Variants in FAAH2 observed in about 807,000 individuals in gnomAD.
The protein encoded by FAAH2 is fatty acid amide hydrolase 2.
A neutral mutation model predicts 36.9 loss-of-function variants in FAAH2; 60 were observed. The ratio of observed to expected loss-of-function variants is 1.63; its 90% CI spans 1.32 to 2.02. The LOEUF (loss-of-function observed/expected upper bound fraction) is 2.02, where lower values mean the gene tolerates loss of function less well. Among genes scored for constraint, FAAH2 ranks in the 30% most tolerant of loss-of-function variants. FAAH2 has a pLI of 0.00. For synonymous variants in FAAH2, 214 were observed against 143.8 expected, an observed-to-expected ratio of 1.49 and a Z score of -3.49; for missense variants, 689 against 397.5, an observed-to-expected ratio of 1.73 and a Z score of -6.23.
chrX:57,167,355 G>A, the FAAH2 span, among the ~76,000 whole-genome samples: 1 of 111,040 alleles, frequency 9.0e-6, no homozygotes. Flanking sequence ...TGTCCCTCCA[G>A]GCCAGCACCT....
intron 10 of FAAH2, among the ~76,000 whole-genome samples, chrX:57,473,427 A>ACTTG (rs1186579478): frequency 9.0e-6 from 1 of 111,527 alleles, no homozygotes; most frequent in Non-Finnish European, 1.9e-5. Context: ...ATGCGTTGAG[A>ACTTG]CTTGCTTTCT....
chrX:57,185,591 G>C, the FAAH2 span, among the ~76,000 whole-genome samples: 1 of 108,993 alleles, frequency 9.2e-6, no homozygotes, highest in Non-Finnish European at 1.9e-5. Context: ...TGATGAACAT[G>C]CAGGTTTGTT....
At chrX:57,336,060 A>G (rs2053544044) in intron 4 of FAAH2, among the ~76,000 whole-genome samples, 1 of 111,589 alleles carries the variant, frequency 9.0e-6, no homozygotes, top group African/African-American at 3.3e-5. Flanking sequence ...TCCGAGCCCA[A>G]GCTAAGCCAT....
intron 7 of FAAH2, among the ~76,000 whole-genome samples, chrX:57,402,227 C>A (rs2055455346): frequency 8.9e-6 from 1 of 112,109 alleles, no homozygotes; most frequent in South Asian, 3.8e-4. Flanking sequence ...GGCAGTGGGC[C>A]TTCCCGTGAT....
At chrX:57,163,335 A>G in the FAAH2 span, among the ~76,000 whole-genome samples, 26 of 112,127 alleles carry the variant, frequency 2.3e-4, 1 homozygote, top group Admixed American at 2.1e-3. Flanking sequence ...CCCTGCCCCC[A>G]GAGGTGGAGC....
intron 6 of FAAH2, among the ~76,000 whole-genome samples, chrX:57,380,603 C>T (rs776403697): frequency 1.2e-4 from 13 of 111,583 alleles, no homozygotes; most frequent in Non-Finnish European, 1.9e-4. Flanking sequence ...TACATCTTTA[C>T]ATATCTCTCC....
At chrX:57,218,214 G>A in the FAAH2 span, among the ~76,000 whole-genome samples, 1 of 111,544 alleles carries the variant, frequency 9.0e-6, no homozygotes, top group East Asian at 2.8e-4. Context: ...GATTGCTCTG[G>A]CTAGATCTTC....
the FAAH2 span, among the ~76,000 whole-genome samples, chrX:57,207,260 A>G: frequency 3.7e-4 from 41 of 111,368 alleles, no homozygotes; most frequent in East Asian, 9.9e-3. Context: ...TACAGAAGTT[A>G]TAATTGGTTG....
intron 1 of FAAH2, chrX:57,290,191 A>G (rs1301323656): frequency 4.9e-6 from 3 of 616,088 alleles, no homozygotes; most frequent in Non-Finnish European, 5.8e-6. Context: ...TCTACCTCTA[A>G]CCCCTGCTTT....
chrX:57,375,770 G>A (rs970938825), intron 5 of FAAH2, among the ~76,000 whole-genome samples: 26 of 111,315 alleles, frequency 2.3e-4, no homozygotes, highest in Non-Finnish European at 3.2e-4. Context: ...TTTTATCATT[G>A]GTTAATGCTT....
the FAAH2 span, among the ~76,000 whole-genome samples, chrX:57,221,350 T>A: frequency 2.7e-5 from 3 of 111,312 alleles, no homozygotes; most frequent in Non-Finnish European, 5.7e-5. Flanking sequence ...TTGTCCCCCA[T>A]CTGTAGTTAA....
intron 7 of FAAH2, among the ~76,000 whole-genome samples, chrX:57,391,444 G>T (rs1229290862): frequency 9.1e-6 from 1 of 110,375 alleles, no homozygotes; most frequent in Non-Finnish European, 1.9e-5. Flanking sequence ...CTTGTTTGAG[G>T]TCTTACATTT....
At chrX:57,393,111 C>A (rs1007693925) in intron 7 of FAAH2, 1 of 985,510 alleles carries the variant, frequency 1.0e-6, no homozygotes, top group East Asian at 3.1e-5. Context: ...GCATCAAAAG[C>A]CCTCTGTTCT....
intron 4 of FAAH2, among the ~76,000 whole-genome samples, chrX:57,333,017 C>T (rs189107339): frequency 2.3e-4 from 26 of 111,547 alleles, no homozygotes; most frequent in African/African-American, 8.1e-4. Flanking sequence ...AGAGCAGGGG[C>T]ACATGCTAAC....
chrX:57,234,933 G>C, the FAAH2 span, among the ~76,000 whole-genome samples: 19 of 111,520 alleles, frequency 1.7e-4, no homozygotes, highest in African/African-American at 5.2e-4. Flanking sequence ...AGCTACTAGG[G>C]AGGCTGAGAC....
At chrX:57,386,283 A>C (rs2055021243) in intron 7 of FAAH2, among the ~76,000 whole-genome samples, 1 of 111,963 alleles carries the variant, frequency 8.9e-6, no homozygotes, top group African/African-American at 3.2e-5. Context: ...GTAAAGGAGA[A>C]AGGTAAATTA....
intron 2 of FAAH2, among the ~76,000 whole-genome samples, chrX:57,307,938 C>T (rs925129688): frequency 2.8e-5 from 3 of 106,815 alleles, no homozygotes; most frequent in African/African-American, 1.0e-4. Context: ...TAATAATGAC[C>T]TCTGGGTGCA....
intron 4 of FAAH2, among the ~76,000 whole-genome samples, chrX:57,337,863 C>G (rs1310394723): frequency 5.4e-5 from 6 of 112,130 alleles, no homozygotes; most frequent in Non-Finnish European, 1.1e-4. Flanking sequence ...GATGCCCTCT[C>G]TCACTGCTCT....
chrX:57,305,567 G>T (rs2052497823), intron 2 of FAAH2, among the ~76,000 whole-genome samples: 1 of 110,996 alleles, frequency 9.0e-6, no homozygotes, highest in South Asian at 3.8e-4. Flanking sequence ...TTTTTATTTT[G>T]CAAAAGCCAA....
Sources: allele counts gnomAD v4.1 joint callset (sites outside exome capture counted in the v4.1 genomes callset), GRCh38; gene constraint gnomAD v4.1.1; transcripts MANE v1.5; gene names NCBI Gene and HGNC (gene_info 2026-07-23, HGNC 2026-07-21).